The following AGAP1 variants were observed in gnomAD, a reference collection of about 807,000 sequenced individuals.
The protein encoded by AGAP1 is arf-GAP with GTPase, ANK repeat and PH domain-containing protein 1.
Under a neutral mutation model 105.3 loss-of-function variants are expected in AGAP1, and 29 were observed. That is an observed-to-expected ratio of 0.28 (90% CI 0.21 to 0.38). The LOEUF (loss-of-function observed/expected upper bound fraction) is 0.38. Among genes scored for constraint, AGAP1 ranks in the 10% least tolerant of loss-of-function variants. The pLI, the probability that AGAP1 is intolerant of heterozygous loss-of-function variation, is 1.00. For synonymous variants in AGAP1, 509 were observed against 485.9 expected, an observed-to-expected ratio of 1.05 and a Z score of -0.63; for missense variants, 998 against 1,165.1, an observed-to-expected ratio of 0.86 and a Z score of 2.09.
chr2:235,907,956 TAATAATAATAAC>T (rs1045214745), intron 10 of AGAP1, among the ~76,000 whole-genome samples: 3 of 152,068 alleles, frequency 2.0e-5, no homozygotes, highest in African/African-American at 7.2e-5. Flanking sequence ...TTACCAGAAA[TAATAATAATAAC>T]AATAATAATA....
chr2:235,631,376 C>T lies in AGAP1; in HGVS notation c.164-77803C>T, dbSNP rs895585574. On this transcript the variant is annotated intron_variant, in intron 1 of 17. Transcript: ENST00000304032. The surrounding 1 kb of genome is among the most constrained non-coding windows in gnomAD (Gnocchi z 5.4). ...GCCAACCATGACCGGCCAGGCTGTG[C>T]GAGCTAGCCAAGGAGAGGCCACGAG... is the stretch of plus-strand genomic sequence containing the variant. Among the ~76,000 whole-genome samples, 2 of 152,170 alleles carry T rather than the reference C, an allele frequency of 1.3e-5. No individual in the cohort carries two copies. Among genetic ancestry groups the T allele is most frequent in the South Asian group, 2.1e-4 (1 of 4,830 alleles).
Position 235,738,967 on chromosome 2 carries a change from A to G in AGAP1, c.311-1996A>G, listed in dbSNP as rs566558399. ...TTTTTTAAAGGGAAATAATACTACTATCACTGTTGCAGACTTTTCTGTCGT... is the reference window on the plus strand; with the variant it reads ...TTTTTTAAAGGGAAATAATACTACTGTCACTGTTGCAGACTTTTCTGTCGT... On this transcript the variant is annotated intron_variant, in intron 3 of 17. Transcript: ENST00000304032. Among the ~76,000 whole-genome samples the G allele has an allele frequency of 4.1e-3, 631 of 152,350 alleles. 7 individuals carry two copies. The highest frequency in any genetic ancestry group is 0.014 in the African/African-American group (595 of 41,574).
chr2:235,520,622 G>C (rs114461862), intron 1 of AGAP1, among the ~76,000 whole-genome samples: 1 of 152,104 alleles, frequency 6.6e-6, no homozygotes, highest in South Asian at 2.1e-4. Flanking sequence ...CAGTTAGCTC[G>C]TCAGAGGTTG....
intron 6 of AGAP1, among the ~76,000 whole-genome samples, chr2:235,760,853 GT>G (rs1444160708): frequency 1.3e-5 from 2 of 152,342 alleles, no homozygotes; most frequent in African/African-American, 4.8e-5. Context: ...CTTCCAAAGT[GT>G]GATGGGATTA....
At position 235,945,290 on chromosome 2, in the gene AGAP1, T is replaced by TG. The variant is rs538614225; in HGVS notation, c.1483+14376dup. Reference sequence around the variant, plus strand: ...TAATTTTTTGTATTTTTAGTAGAGTTGGGGGGGGGTTCACCGTGTTAGCCA... The same window carrying TG: ...TAATTTTTTGTATTTTTAGTAGAGTTGGGGGGGGGGTTCACCGTGTTAGCCA... On this transcript the variant is annotated intron_variant, in intron 12 of 17. Coordinates refer to ENST00000304032, the MANE Select transcript of AGAP1 (RefSeq NM_001037131.3). 4.6e-3 allele frequency among the ~76,000 whole-genome samples: 699 copies of TG among 150,620 alleles called. 3 individuals carry two copies. The highest frequency in any genetic ancestry group is 0.013 in the African/African-American group (514 of 41,058).
At chr2:235,742,655 C>T (rs1294722440) in intron 4 of AGAP1, among the ~76,000 whole-genome samples, 10 of 152,080 alleles carry the variant, frequency 6.6e-5, no homozygotes, top group Admixed American at 3.3e-4. Flanking sequence ...TGTATAGGAC[C>T]GTGTTTGTTC....
rs918363707 is a variant in AGAP1 at position 236,076,055 on chromosome 2, AGACCCGT to A, written c.2114+26776_2114+26782del. Among the ~76,000 whole-genome samples the A allele has an allele frequency of 6.6e-6, 1 of 152,240 alleles. No homozygotes were observed. The highest frequency in any genetic ancestry group is 2.4e-5 in the African/African-American group (1 of 41,464). The stretch of plus-strand genomic sequence containing the variant: ...CAGCTCTGCTCCTCACCAAGGCCCA[AGACCCGT>A]GCTGTCATAACAGTCCTCCTTCAGA... On this transcript the variant is annotated intron_variant, in intron 16 of 17. Transcript: ENST00000304032. The surrounding 1 kb of genome is among the most constrained non-coding windows in gnomAD (Gnocchi z 4.4).
rs1215711722 is a variant in AGAP1, at chr2:236,044,093, T to G, written c.1891+3252T>G. 6.6e-6 allele frequency among the ~76,000 whole-genome samples: 1 copy of G among 151,886 alleles called. No homozygotes were observed. The highest frequency in any genetic ancestry group is 1.5e-5 in the Non-Finnish European group (1 of 67,920). On this transcript the variant is annotated intron_variant, in intron 15 of 17. Coordinates refer to ENST00000304032, the MANE Select transcript of AGAP1 (RefSeq NM_001037131.3). This position sits in a 1 kb window ranked among gnomAD's most constrained non-coding sequence, Gnocchi z 5.7. Reference sequence around the variant, plus strand: ...GAGCCTCTGGAGCTTTGGGGGTGCCTGTCTATAAAGGGATTCTGAGAGCCA... The same window carrying G: ...GAGCCTCTGGAGCTTTGGGGGTGCCGGTCTATAAAGGGATTCTGAGAGCCA...
At chr2:235,808,166 G>C (rs1415118837) in intron 9 of AGAP1, among the ~76,000 whole-genome samples, 1 of 152,182 alleles carries the variant, frequency 6.6e-6, no homozygotes, top group Admixed American at 6.5e-5. Flanking sequence ...GTTTGTTAAA[G>C]AAAGCCAATT....
intron 1 of AGAP1, among the ~76,000 whole-genome samples, chr2:235,498,034 T>C (rs1941397027): frequency 7.1e-6 from 1 of 140,338 alleles, no homozygotes; most frequent in Non-Finnish European, 1.5e-5. Flanking sequence ...TGGAGTGAGG[T>C]GCAGCCTTGT....
intron 9 of AGAP1, among the ~76,000 whole-genome samples, chr2:235,880,739 CA>C (rs200556615): frequency 1.2e-3 from 113 of 91,558 alleles, no homozygotes; most frequent in Admixed American, 1.4e-3. Context: ...GACTCCGTCT[CA>C]AAAAAAAAAA....
intron 6 of AGAP1, among the ~76,000 whole-genome samples, chr2:235,757,487 T>A (rs1036311547): frequency 1.3e-5 from 2 of 152,212 alleles, no homozygotes; most frequent in Admixed American, 1.3e-4. Flanking sequence ...TGGGTGTTTA[T>A]CTGGTAGAGT....
chr2:235,634,636 A>T (rs1485513019), intron 1 of AGAP1, among the ~76,000 whole-genome samples: 1 of 152,172 alleles, frequency 6.6e-6, no homozygotes, highest in African/African-American at 2.4e-5. Flanking sequence ...GAATCTGGGG[A>T]CAGCCGTAAG....
intron 11 of AGAP1, among the ~76,000 whole-genome samples, chr2:235,913,229 ATTG>A (rs1284212199): frequency 2.6e-5 from 4 of 151,896 alleles, no homozygotes; most frequent in Non-Finnish European, 4.4e-5. Context: ...TTTTAATTTT[ATTG>A]TTTTTTTCCC....
chr2:235,759,560 C>T, intron 6 of AGAP1, among the ~76,000 whole-genome samples: 1 of 152,208 alleles, frequency 6.6e-6, no homozygotes, highest in East Asian at 1.9e-4. Context: ...AGTAGCTTAT[C>T]TCCCAGCGAA....
chr2:235,538,354 T>C (rs1164756991), intron 1 of AGAP1, among the ~76,000 whole-genome samples: 1 of 151,986 alleles, frequency 6.6e-6, no homozygotes, highest in Admixed American at 6.6e-5. Flanking sequence ...ACAAAATGCA[T>C]TGGATTCTAC....
chr2:235,516,064 G>GCTGCTGCTGCTGCTGCTGCTGCTC (rs1553556294), intron 1 of AGAP1, among the ~76,000 whole-genome samples: 1 of 96,356 alleles, frequency 1.0e-5, no homozygotes, highest in South Asian at 3.2e-4. Context: ...CTCTGCTGCT[G>GCTGCTGCTGCTGCTGCTGCTGCTC]CTGCTGCTGC....
rs1043866139 is a variant in AGAP1, at chr2:236,121,972, G to T, written c.2370+1525G>T. Among the ~76,000 whole-genome samples, 1 of 144,696 alleles carries T rather than the reference G, an allele frequency of 6.9e-6. No homozygotes were observed. The highest frequency in any genetic ancestry group is 2.6e-5 in the African/African-American group (1 of 38,628). The allele number at this position is 144,696 out of a possible 152,430, so 94.9% of individuals were successfully genotyped here. On this transcript the variant is annotated intron_variant, in intron 17 of 17. Coordinates refer to ENST00000304032, the MANE Select transcript of AGAP1 (RefSeq NM_001037131.3). This position sits in a 1 kb window ranked among gnomAD's most constrained non-coding sequence, Gnocchi z 4.9. The stretch of plus-strand genomic sequence containing the variant: ...TTTCCCCCCACCCCCTTCTTTTTGG[G>T]ACAAAGTCTTGCTCTGTCGTCCAGG...
chr2:235,916,681 C>T (rs766674421), intron 11 of AGAP1, among the ~76,000 whole-genome samples: 15 of 152,202 alleles, frequency 9.9e-5, no homozygotes, highest in South Asian at 2.1e-4. Context: ...GAAGAACACA[C>T]GGCATTCCTT....
Sources: allele counts gnomAD v4.1 joint callset (sites outside exome capture counted in the v4.1 genomes callset), GRCh38; gene constraint gnomAD v4.1.1; non-coding constraint Gnocchi (gnomAD v3.1); transcripts MANE v1.5; gene names NCBI Gene and HGNC (gene_info 2026-07-23, HGNC 2026-07-21).